Variants in ATP13A4 observed in about 807,000 individuals in gnomAD.
ATP13A4 encodes ATPase 13A4.
ATP13A4 carries 114 observed loss-of-function variants against 142.5 expected under a neutral mutation model. The ratio of observed to expected loss-of-function variants is 0.80; its 90% CI spans 0.69 to 0.93. The LOEUF (loss-of-function observed/expected upper bound fraction) is 0.93. Ranked by LOEUF, ATP13A4 falls within the 40% of genes least tolerant of loss-of-function variation. ATP13A4 has a pLI of 0.00. For missense variants in ATP13A4, 1,392 were observed against 1,454.0 expected (o/e 0.96, Z 0.69); for synonymous variants, 488 against 514.8 (o/e 0.95, Z 0.70).
chr3:193,582,339 G>T (rs1724565830), intron 1 of ATP13A4, among the ~76,000 whole-genome samples: 1 of 148,732 alleles, frequency 6.7e-6, no homozygotes. Flanking sequence ...AGTAGAGATG[G>T]GGTTTTACCA....
intron 2 of ATP13A4, among the ~76,000 whole-genome samples, chr3:193,562,054 GT>G (rs1724028489): frequency 6.6e-6 from 1 of 152,138 alleles, no homozygotes; most frequent in Non-Finnish European, 1.5e-5. Flanking sequence ...TGCTCTGTTT[GT>G]TCATATCTCA....
In ATP13A4 at chr3:193,423,636, G is replaced by T. The variant is rs751010829; in HGVS notation, c.2843-8886C>A. ...TTAACAATATTCAAAATTCCCTTCT[G>T]CTAAAAACTCTGAACAAATTAAGCA... On this transcript the variant is annotated intron_variant, in intron 25 of 29. Transcript: ENST00000342695. 3.4e-4 allele frequency among the ~76,000 whole-genome samples: 51 copies of T among 149,574 alleles called. 3 individuals are homozygous for T. Among genetic ancestry groups the T allele is most frequent in the Non-Finnish European group, 8.9e-5 (6 of 67,496 alleles).
At chr3:193,426,259 A>G (rs1715658176) in intron 25 of ATP13A4, among the ~76,000 whole-genome samples, 1 of 151,848 alleles carries the variant, frequency 6.6e-6, no homozygotes, top group Admixed American at 6.6e-5. Flanking sequence ...AAAAAATTCT[A>G]TTTCCAAAAA....
Position 193,526,918 on chromosome 3 carries a change from A to G in ATP13A4, c.61-12047T>C, listed in dbSNP as rs74618060. 3.1e-3 allele frequency among the ~76,000 whole-genome samples: 476 copies of G among 152,182 alleles called. 2 individuals carry two copies. Among genetic ancestry groups the G allele is most frequent in the African/African-American group, 0.011 (436 of 41,520 alleles). On this transcript the variant is annotated intron_variant, in intron 1 of 29. Transcript: ENST00000342695. ...TTTATTATTAAATCGGTTGCATATA[A>G]TTTTTGCACATTTTTGTGGCACTTC...
chr3:193,415,060 C>T (rs1714983680), intron 25 of ATP13A4, among the ~76,000 whole-genome samples: 1 of 152,156 alleles, frequency 6.6e-6, no homozygotes, highest in Non-Finnish European at 1.5e-5. Context: ...TGATGCAAAC[C>T]TTCTGCAGGG....
chr3:193,554,998 C>T, upstream of ATP13A4: 1 of 1,391,712 alleles, frequency 7.2e-7, no homozygotes, highest in Non-Finnish European at 9.7e-7. Flanking sequence ...ACGAGTCGCC[C>T]TCTGCTAGGA....
chr3:193,495,342 A>C (rs149069883), intron 3 of ATP13A4, among the ~76,000 whole-genome samples: 2 of 152,314 alleles, frequency 1.3e-5, no homozygotes, highest in Non-Finnish European at 2.9e-5. Flanking sequence ...AGAAGCAAAA[A>C]TTGTCAACAA....
chr3:193,472,616 C>A (rs914040486), intron 8 of ATP13A4, among the ~76,000 whole-genome samples: 1 of 152,188 alleles, frequency 6.6e-6, no homozygotes, highest in African/African-American at 2.4e-5. Flanking sequence ...AGTTGTGCGT[C>A]GCACCTCAAA....
At chr3:193,554,286 A>G (rs1415615310) in intron 1 of ATP13A4, 1 of 216,490 alleles carries the variant, frequency 4.6e-6, no homozygotes, top group East Asian at 1.1e-4. Context: ...GGTGAACAAG[A>G]CATTTGAGAA....
chr3:193,417,743 C>T lies in ATP13A4; in HGVS notation c.2843-2993G>A, dbSNP rs189650166. Among the ~76,000 whole-genome samples the T allele has an allele frequency of 9.8e-3, 1,332 of 135,674 alleles. 65 individuals are homozygous for T. Among genetic ancestry groups the T allele is most frequent in the South Asian group, 0.014 (61 of 4,364 alleles). The allele number at this position is 135,674 out of a possible 152,430, so 89.0% of individuals were successfully genotyped here. On this transcript the variant is annotated intron_variant, in intron 25 of 29. Transcript: ENST00000342695. ...GCTCATGCCTGTAATCCCAGCACTTCGGGAGGCCGAGGCAGGTGGATCACG... is the reference window on the plus strand; with the variant it reads ...GCTCATGCCTGTAATCCCAGCACTTTGGGAGGCCGAGGCAGGTGGATCACG...
At chr3:193,412,501 TG>T in intron 26 of ATP13A4, 130 bp from the exon 27 acceptor site, 1 of 680,890 alleles carries the variant, frequency 1.5e-6, no homozygotes, top group Non-Finnish European at 2.6e-6. Context: ...GCCTGTGCTT[TG>T]GAAAACACAC....
At chr3:193,461,116 A>AAGGG (rs1284650173) in intron 13 of ATP13A4, among the ~76,000 whole-genome samples, 56 of 152,270 alleles carry the variant, frequency 3.7e-4, no homozygotes, top group Non-Finnish European at 7.2e-4. Flanking sequence ...GGAAGGAAGG[A>AAGGG]AGGGAGGGAA....
chr3:193,537,208 A>G (rs916969734), intron 1 of ATP13A4, among the ~76,000 whole-genome samples: 5 of 152,154 alleles, frequency 3.3e-5, no homozygotes, highest in African/African-American at 1.2e-4. Flanking sequence ...AATACTTATC[A>G]TATAACTGTA....
intron 3 of ATP13A4, among the ~76,000 whole-genome samples, chr3:193,496,505 A>G (rs879872405): frequency 6.6e-6 from 1 of 152,202 alleles, no homozygotes; most frequent in Non-Finnish European, 1.5e-5. Flanking sequence ...ATGCTAAGAT[A>G]GGCCCTGAGG....
intron 1 of ATP13A4, chr3:193,581,942 C>G (rs962568673): frequency 6.6e-6 from 1 of 152,036 alleles, no homozygotes; most frequent in Non-Finnish European, 1.5e-5. Context: ...ATGCATCTCA[C>G]TTCAGCAGTT....
chr3:193,451,028 G>A (rs939467059), intron 17 of ATP13A4, among the ~76,000 whole-genome samples: 10 of 152,126 alleles, frequency 6.6e-5, no homozygotes, highest in African/African-American at 2.4e-4. Flanking sequence ...TATATGTAAG[G>A]TGGTTCTCCT....
At chr3:193,573,032 G>T (rs1452752081) in intron 2 of ATP13A4, among the ~76,000 whole-genome samples, 1 of 141,988 alleles carries the variant, frequency 7.0e-6, no homozygotes, top group Non-Finnish European at 1.5e-5. Flanking sequence ...GTTACTCGGG[G>T]TGGGGGGCAG....
chr3:193,409,558 G>A (rs1330264152), intron 28 of ATP13A4, among the ~76,000 whole-genome samples: 1 of 152,156 alleles, frequency 6.6e-6, no homozygotes, highest in Non-Finnish European at 1.5e-5. Flanking sequence ...CTTAACTTCT[G>A]TAGGATTAAG....
chr3:193,450,756 C>T lies in ATP13A4; in HGVS notation c.2028-2426G>A, dbSNP rs774125039. ...CTAGGAAATCTGGCCGTGGCCAACC[C>T]GGAGATCTGTTCCTTGTCTCTGAGG... On this transcript the variant is annotated intron_variant, in intron 17 of 29. Coordinates refer to ENST00000342695, the MANE Select transcript of ATP13A4 (RefSeq NM_032279.4). Among the ~76,000 whole-genome samples the T allele has an allele frequency of 3.3e-5, 5 of 152,148 alleles. No homozygotes were observed. In the South Asian group the frequency reaches 6.2e-4, roughly 19 times the overall value.
Sources: gnomAD v4.1 joint callset for allele counts (sites outside exome capture counted in the v4.1 genomes callset) on GRCh38, gnomAD v4.1.1 for gene constraint, MANE v1.5 for transcripts, NCBI Gene and HGNC (gene_info 2026-07-23, HGNC 2026-07-21) for gene names.